TNNI3K: variants seen among roughly 807,000 people sequenced by gnomAD.
TNNI3K encodes TNNI3 interacting kinase.
TNNI3K carries 140 observed loss-of-function variants against 114.5 expected under a neutral mutation model. That is an observed-to-expected ratio of 1.22 (90% confidence interval 1.07 to 1.41). TNNI3K has a LOEUF of 1.41. Among genes scored for constraint, TNNI3K ranks in the 40% most tolerant of loss-of-function variants. TNNI3K has a pLI of 0.00. For missense variants in TNNI3K, 1,125 were observed against 1,007.6 expected (o/e 1.12, Z -1.58); for synonymous variants, 347 against 347.5 (o/e 1.00, Z 0.02).
intron 23 of TNNI3K, among the ~76,000 whole-genome samples, chr1:74,532,027 G>C (rs1391000873): frequency 6.6e-6 from 1 of 152,302 alleles, no homozygotes; most frequent in East Asian, 1.9e-4. Flanking sequence ...GGAAGAAAAT[G>C]TTGCCTGAAG....
In TNNI3K at chr1:74,241,755, T is replaced by A. The variant is rs549694988; in HGVS notation, c.149+5545T>A. 2.6e-3 allele frequency among the ~76,000 whole-genome samples: 389 copies of A among 152,322 alleles called. 2 individuals carry two copies. The highest frequency in any genetic ancestry group is 9.0e-3 in the African/African-American group (376 of 41,580). On this transcript the variant is annotated intron_variant, in intron 2 of 24. Coordinates refer to ENST00000326637, the MANE Select transcript of TNNI3K (RefSeq NM_015978.3). ...TGTTCACTCTGATGGTAGTTTGTTT[T>A]GCTGTGCAGAAGCTCTTTAGTTTAA...
At chr1:74,407,785 A>G (rs1034214202) in intron 17 of TNNI3K, among the ~76,000 whole-genome samples, 1 of 152,164 alleles carries the variant, frequency 6.6e-6, no homozygotes, top group Non-Finnish European at 1.5e-5. Context: ...GGTCCCAGCC[A>G]AAGAAGATGG....
At chr1:74,303,837 A>G (rs141962778) in intron 5 of TNNI3K, among the ~76,000 whole-genome samples, 1 of 152,348 alleles carries the variant, frequency 6.6e-6, no homozygotes, top group East Asian at 1.9e-4. Context: ...CAAAATACCT[A>G]CAGTAACAGG....
chr1:74,454,879 A>G (rs1019928647), intron 20 of TNNI3K, among the ~76,000 whole-genome samples: 13 of 152,150 alleles, frequency 8.5e-5, no homozygotes, highest in African/African-American at 3.1e-4. Context: ...CCTCACAAGC[A>G]TTCATTTATT....
intron 18 of TNNI3K, 72 bp downstream of exon 18, chr1:74,436,204 C>T: frequency 6.4e-7 from 1 of 1,573,360 alleles, no homozygotes; most frequent in Non-Finnish European, 8.7e-7. Context: ...TGATATTGTA[C>T]CATGAAACTG....
At chr1:74,394,540 A>G (rs1309628980) in intron 17 of TNNI3K, among the ~76,000 whole-genome samples, 1 of 152,016 alleles carries the variant, frequency 6.6e-6, no homozygotes, top group Non-Finnish European at 1.5e-5. Context: ...CTTGTCAGCA[A>G]CCCCCTTTCC....
At chr1:74,429,019 T>A (rs528752811) in intron 17 of TNNI3K, among the ~76,000 whole-genome samples, 1 of 152,186 alleles carries the variant, frequency 6.6e-6, no homozygotes, top group African/African-American at 2.4e-5. Flanking sequence ...TACTGTACAA[T>A]TGTTATTATG....
intron 17 of TNNI3K, among the ~76,000 whole-genome samples, chr1:74,433,624 GC>G (rs1001907495): frequency 5.3e-5 from 8 of 152,124 alleles, no homozygotes; most frequent in African/African-American, 1.9e-4. Flanking sequence ...ACCCATTATT[GC>G]TATGAACTCT....
At chr1:74,246,497 A>G (rs2034453) in intron 2 of TNNI3K, among the ~76,000 whole-genome samples, 130,545 of 152,252 alleles carry the variant, frequency 0.86, 56,131 homozygotes, top group Admixed American at 0.91. Context: ...TTGATGGACA[A>G]TGATTCAGCT....
chr1:74,285,707 C>A (rs1454442929), intron 5 of TNNI3K, among the ~76,000 whole-genome samples: 3 of 152,062 alleles, frequency 2.0e-5, no homozygotes, highest in Non-Finnish European at 4.4e-5. Flanking sequence ...AAGTTTCTGT[C>A]AAATGACTAA....
chr1:74,484,970 G>A (rs1668680161), intron 21 of TNNI3K, among the ~76,000 whole-genome samples: 1 of 152,166 alleles, frequency 6.6e-6, no homozygotes, highest in African/African-American at 2.4e-5. Context: ...AGAGAAGGAT[G>A]AGAGGTAAGC....
chr1:74,447,425 C>T (rs1268434969), intron 20 of TNNI3K, among the ~76,000 whole-genome samples: 1 of 147,872 alleles, frequency 6.8e-6, no homozygotes, highest in Non-Finnish European at 1.5e-5. Flanking sequence ...AAAAAACAAA[C>T]AACCCCATCA....
intron 21 of TNNI3K, chr1:74,471,614 G>A (rs1667935784): frequency 2.5e-6 from 1 of 400,652 alleles, no homozygotes; most frequent in Non-Finnish European, 4.4e-6. Flanking sequence ...TTAGTCAGTT[G>A]GTTACTTTGA....
chr1:74,374,465 A>ATGTG (rs1375254165), intron 17 of TNNI3K: 5 of 151,948 alleles, frequency 3.3e-5, no homozygotes, highest in Non-Finnish European at 7.4e-5. Flanking sequence ...CTGTAACAAC[A>ATGTG]ACAACAGCAA....
intron 17 of TNNI3K, among the ~76,000 whole-genome samples, chr1:74,394,961 G>C (rs563334860): frequency 2.0e-5 from 3 of 151,550 alleles, no homozygotes; most frequent in Middle Eastern, 3.2e-3. Context: ...GGAGAATAGC[G>C]TGAACCCGGG....
intron 21 of TNNI3K, among the ~76,000 whole-genome samples, chr1:74,486,507 C>CTTTTTTTTTTTTTTTTTT (rs397940623): frequency 7.3e-6 from 1 of 137,104 alleles, no homozygotes. Flanking sequence ...TTGTTTTTTG[C>CTTTTTTTTTTTTTTTTTT]TTTTTTTTTT....
chr1:74,489,140 C>T (rs1668911608), intron 21 of TNNI3K, 49 bp from the exon 22 acceptor site: 1 of 1,529,544 alleles, frequency 6.5e-7, no homozygotes, highest in Admixed American at 1.8e-5. Context: ...CAAAGAGAGT[C>T]TCCTTCCTTT....
intron 20 of TNNI3K, among the ~76,000 whole-genome samples, chr1:74,442,942 A>G (rs1204001417): frequency 6.6e-6 from 1 of 152,196 alleles, no homozygotes; most frequent in African/African-American, 2.4e-5. Context: ...TAAGGCAGAG[A>G]TCAAGAAGTT....
chr1:74,372,946 T>C (rs12122147), intron 17 of TNNI3K: 17,443 of 151,922 alleles, frequency 0.11, 1,073 homozygotes, highest in African/African-American at 0.16. Context: ...AGTTTTTAAA[T>C]CTTATGAAAC....
Sources: allele counts gnomAD v4.1 joint callset (sites outside exome capture counted in the v4.1 genomes callset), GRCh38; gene constraint gnomAD v4.1.1; transcripts MANE v1.5; gene names NCBI Gene and HGNC (gene_info 2026-07-23, HGNC 2026-07-21).